EPRS1: variants seen among roughly 807,000 people sequenced by gnomAD.
The protein encoded by EPRS1 is bifunctional glutamate/proline--tRNA ligase.
EPRS1 carries 107 observed loss-of-function variants against 188.3 expected under a neutral mutation model. That is an observed-to-expected ratio of 0.57 (90% CI 0.49 to 0.67). The LOEUF (loss-of-function observed/expected upper bound fraction) is 0.67, where lower values mean the gene tolerates loss of function less well. EPRS1 is among the 30% of genes least tolerant of loss of function. The pLI, the probability that EPRS1 is intolerant of heterozygous loss-of-function variation, is 0.00. For synonymous variants in EPRS1, 596 were observed against 593.1 expected (o/e 1.00, Z -0.07); for missense variants, 1,577 against 1,802.2 (o/e 0.88, Z 2.26).
At chr1:220,044,697 A>T (rs964589108) in intron 1 of EPRS1, among the ~76,000 whole-genome samples, 69 of 113,994 alleles carry the variant, frequency 6.1e-4, no homozygotes, top group African/African-American at 2.2e-3. Flanking sequence ...AAAAAAAAAA[A>T]AAAAAAAAAA....
intron 28 of EPRS1, among the ~76,000 whole-genome samples, chr1:219,974,676 T>TAA (rs914699559): frequency 6.6e-6 from 1 of 151,260 alleles, no homozygotes; most frequent in Non-Finnish European, 1.5e-5. Flanking sequence ...AAATGATATT[T>TAA]AAAAAAAAAC....
At chr1:219,976,530 G>A (rs1558270044) in intron 28 of EPRS1, among the ~76,000 whole-genome samples, 1 of 152,164 alleles carries the variant, frequency 6.6e-6, no homozygotes, top group Non-Finnish European at 1.5e-5. Flanking sequence ...ATGTAGGAGA[G>A]TATGTTTGCA....
chr1:220,032,211 A>G (rs1218769046), intron 5 of EPRS1, among the ~76,000 whole-genome samples, 176 bp downstream of exon 5: 1 of 149,774 alleles, frequency 6.7e-6, no homozygotes, highest in African/African-American at 2.5e-5. Context: ...AGTAGCTGGG[A>G]CTACAGGCGC....
At chr1:220,027,252 G>A (rs551607490) in intron 6 of EPRS1, among the ~76,000 whole-genome samples, 9 of 152,070 alleles carry the variant, frequency 5.9e-5, no homozygotes, top group South Asian at 2.1e-4. Flanking sequence ...GTGAAACCCC[G>A]TCTCTACTAA....
rs570143749 is a variant in EPRS1 at position 220,006,138 on chromosome 1, C to T, written c.1918G>A (p.Asp640Asn). 1.0e-5 allele frequency: 16 copies of T among 1,592,274 alleles called. No homozygotes were observed. The highest frequency in any genetic ancestry group is 1.7e-5 in the Admixed American group (1 of 58,464). Residue 640 changes from aspartate to asparagine, a missense_variant, in exon 15 of 32, where the codon GAC (aspartate) becomes AAC (asparagine). This residue lies in a region of EPRS1 where 1,278 missense variants were observed against 1,457.4 expected (regional missense o/e 0.88). Transcript: ENST00000366923. ...TTCTTGTTGACATACTGCTTAAAGT[C>T]CTCGTCTTTTCCTAGCACTGGCTTT... ...ITKPVLGKDE[D>N]FKQYVNKNSK...
intron 1 of EPRS1, among the ~76,000 whole-genome samples, chr1:220,044,827 A>C (rs1662371288): frequency 6.6e-6 from 1 of 152,130 alleles, no homozygotes; most frequent in Non-Finnish European, 1.5e-5. Context: ...CTAAATAAGG[A>C]ACTTGTCAAG....
Position 220,034,943 on chromosome 1 carries a change from A to G in EPRS1, c.202T>C (p.Tyr68His), listed in dbSNP as rs1331817457. ...GTATGTTCCATCAGATTAGAGCCAT[A>G]TAACCCAGCTGTAGTTGCAACTCTA... ...LARVATTAGLYGSNLMEHTEI... is the reference protein window; with the variant it reads ...LARVATTAGLHGSNLMEHTEI... The change falls in exon 3 of 32, where the codon TAT (tyrosine) becomes CAT (histidine). Residue 68 changes from tyrosine (Y) to histidine (H), a missense_variant. Physicochemically the swap from Tyr to His is moderately conservative, Grantham distance 83. Around this residue, in one of 3 missense-constraint regions of EPRS1, gnomAD observed 1,278 missense variants for 1,457.4 expected, o/e 0.88. Coordinates refer to ENST00000366923, the MANE Select transcript of EPRS1 (RefSeq NM_004446.3). 8 of 1,603,204 alleles carry G rather than the reference A, an allele frequency of 5.0e-6. No homozygotes were observed. Among genetic ancestry groups the G allele is most frequent in the Non-Finnish European group, 6.8e-6 (8 of 1,171,076 alleles).
intron 8 of EPRS1, 102 bp from the exon 9 acceptor site, chr1:220,022,620 A>G: frequency 1.0e-6 from 1 of 965,054 alleles, no homozygotes; most frequent in South Asian, 1.7e-5. Flanking sequence ...TTGTTTTATA[A>G]CCACCCTGTG....
At chr1:220,003,087 A>G (rs1661391012) in intron 16 of EPRS1, among the ~76,000 whole-genome samples, 1 of 152,146 alleles carries the variant, frequency 6.6e-6, no homozygotes, top group African/African-American at 2.4e-5. Context: ...CCATTCTACA[A>G]CCCTACCAGC....
In EPRS1 at chr1:220,006,294, T is replaced by C. The variant is rs534672229; in HGVS notation, c.1762A>G (p.Ile588Val). Reference sequence around the variant, plus strand: ...AAATTCAACTTTGCATCAAGAGATATGATTTTTCCATCTGCATTTCTAGAT... The same window carrying C: ...AAATTCAACTTTGCATCAAGAGATACGATTTTTCCATCTGCATTTCTAGAT... ...KIHKNADGKI[I>V]SLDAKLNLEN... Residue 588 changes from isoleucine to valine, a missense_variant, in exon 15 of 32, where the codon ATA becomes GTA. Around this residue, in one of 3 missense-constraint regions of EPRS1, gnomAD observed 1,278 missense variants for 1,457.4 expected, o/e 0.88. Transcript: ENST00000366923. 7 of 1,559,808 alleles carry C rather than the reference T, an allele frequency of 4.5e-6. 1 individual carries two copies. The African/African-American group carries it at 5.4e-5, about 12-fold the overall frequency.
chr1:220,020,255 T>C, intron 9 of EPRS1, 34 bp from the exon 10 acceptor site: 1 of 1,345,428 alleles, frequency 7.4e-7, no homozygotes, highest in Non-Finnish European at 1.1e-6. Context: ...AACAAAACAT[T>C]TTACCCTTTC....
At position 219,979,485 on chromosome 1, in the gene EPRS1, C is replaced by G; in HGVS notation, c.3842G>C (p.Gly1281Ala). 1.9e-6 allele frequency: 3 copies of G among 1,614,014 alleles called. No individual in the cohort carries two copies. Among genetic ancestry groups the G allele is most frequent in the Non-Finnish European group, 2.5e-6 (3 of 1,179,944 alleles). Residue 1281 changes from glycine to alanine, a missense_variant, in exon 27 of 32, where the codon GGT becomes GCT. By Grantham distance (60) the Gly-to-Ala change is moderately conservative. Around this residue, in one of 3 missense-constraint regions of EPRS1, gnomAD observed 296 missense variants for 327.9 expected, o/e 0.90. Transcript: ENST00000366923. ...GTCCCCATGAACCATGGTCATAACA[C>G]CAATAGTTCGAGTTGTCAGGCCCCA... Reference protein sequence around the residue: ...NSWGLTTRTIGVMTMVHGDNM... With the variant: ...NSWGLTTRTIAVMTMVHGDNM...
In EPRS1 at chr1:219,973,001, A is replaced by C. The variant is rs949866; in HGVS notation, c.4244+237T>G. Among the ~76,000 whole-genome samples, 70,058 of 152,014 alleles carry C rather than the reference A, an allele frequency of 0.46. 16,247 individuals are homozygous for C. Among genetic ancestry groups the C allele is most frequent in the South Asian group, 0.52 (2,528 of 4,820 alleles). ...AAAAGCCTAGATTTAAATTAACCCAAATTAGTCCAGGGGACAGAAACTTCA... is the reference window on the plus strand; with the variant it reads ...AAAAGCCTAGATTTAAATTAACCCACATTAGTCCAGGGGACAGAAACTTCA... On this transcript the variant is annotated intron_variant, in intron 29 of 31. Coordinates refer to ENST00000366923, the MANE Select transcript of EPRS1 (RefSeq NM_004446.3).
rs1661982201 is a variant in EPRS1, at chr1:220,026,862, G to A, written c.624-1604C>T. Among the ~76,000 whole-genome samples the A allele has an allele frequency of 2.0e-5, 3 of 150,844 alleles. No individual in the cohort carries two copies. In the South Asian group the frequency reaches 6.3e-4, roughly 32 times the overall value. On this transcript the variant is annotated intron_variant, in intron 6 of 31. Transcript: ENST00000366923. ...CTCAGTTGATATCCATATGGGAGGGGGAAAAGTTTATGAAATTATATTATT... is the reference window on the plus strand; with the variant it reads ...CTCAGTTGATATCCATATGGGAGGGAGAAAAGTTTATGAAATTATATTATT...
chr1:220,019,482 C>A (rs1002296838), intron 10 of EPRS1, among the ~76,000 whole-genome samples: 4 of 152,036 alleles, frequency 2.6e-5, no homozygotes, highest in African/African-American at 9.7e-5. Flanking sequence ...TTTATAAAGC[C>A]CTTTGGAATA....
chr1:220,027,901 T>C (rs1424008581), intron 6 of EPRS1, among the ~76,000 whole-genome samples: 1 of 151,908 alleles, frequency 6.6e-6, no homozygotes, highest in Non-Finnish European at 1.5e-5. Context: ...GATGAAATCT[T>C]AGATCAGAAA....
Position 220,033,586 on chromosome 1 carries a change from G to C in EPRS1, c.304C>G (p.Leu102Val). Reference sequence around the variant, plus strand: ...GTTCTCAGAGACAGGCAATGATTGAGTTCATTAATTGTAGAAGTAAAGGAA... The same window carrying C: ...GTTCTCAGAGACAGGCAATGATTGACTTCATTAATTGTAGAAGTAAAGGAA... Reference protein sequence around the residue: ...CDSFTSTINELNHCLSLRTYL... With the variant: ...CDSFTSTINEVNHCLSLRTYL... The change falls in exon 4 of 32, where the codon CTC becomes GTC. Residue 102 changes from leucine to valine, a missense_variant. Coordinates refer to ENST00000366923, the MANE Select transcript of EPRS1 (RefSeq NM_004446.3). 1 of 1,608,716 alleles carries C rather than the reference G, an allele frequency of 6.2e-7. No individual in the cohort carries two copies. The highest frequency in any genetic ancestry group is 1.1e-5 in the South Asian group (1 of 90,884).
At chr1:219,998,673 G>T (rs1661283938) in intron 17 of EPRS1, among the ~76,000 whole-genome samples, 1 of 151,290 alleles carries the variant, frequency 6.6e-6, no homozygotes. Flanking sequence ...CTCCCAAGTA[G>T]CTGGGATTAC....
At chr1:220,005,835 T>TTTG (rs1661454764) in intron 15 of EPRS1, among the ~76,000 whole-genome samples, 1 of 43,532 alleles carries the variant, frequency 2.3e-5, no homozygotes, top group African/African-American at 9.9e-5. Context: ...TTTTGTTTTT[T>TTTG]TTTTTGTTTT....
Sources: allele counts gnomAD v4.1 joint callset (sites outside exome capture counted in the v4.1 genomes callset), GRCh38; gene constraint gnomAD v4.1.1; regional missense constraint gnomAD v4.1.1; transcripts MANE v1.5; gene names NCBI Gene and HGNC (gene_info 2026-07-23, HGNC 2026-07-21).